The following RP1 variants were observed in gnomAD, a reference collection of about 807,000 sequenced individuals.
The protein encoded by RP1 is RP1 axonemal microtubule associated.
A neutral mutation model predicts 14.8 loss-of-function variants in RP1; 16 were observed. The ratio of observed to expected loss-of-function variants is 1.08; its 90% confidence interval spans 0.73 to 1.65. RP1 has a LOEUF of 1.65. Ranked by LOEUF, RP1 falls within the 40% of genes most tolerant of loss-of-function variation. RP1 has a pLI of 0.00. For missense variants in RP1, 2,631 were observed against 2,535.0 expected (o/e 1.04, Z -0.81); for synonymous variants, 876 against 883.6 (o/e 0.99, Z 0.15).
intron 24 of RP1, among the ~76,000 whole-genome samples, chr8:54,784,514 G>C (rs1053349798): frequency 4.6e-5 from 7 of 152,032 alleles, no homozygotes; most frequent in Non-Finnish European, 1.0e-4. Flanking sequence ...AAATAATGCT[G>C]CAATGAACAT....
intron 1 of RP1, among the ~76,000 whole-genome samples, chr8:54,602,187 T>A (rs551283292): frequency 6.6e-6 from 1 of 152,124 alleles, no homozygotes; most frequent in South Asian, 2.1e-4. Context: ...CCCTCCCCTC[T>A]TCCCCCACCC....
downstream of RP1, among the ~76,000 whole-genome samples, chr8:54,772,253 T>G (rs1408342767): frequency 6.6e-6 from 1 of 152,130 alleles, no homozygotes; most frequent in Non-Finnish European, 1.5e-5. Flanking sequence ...CAGTATCCAT[T>G]GCTGGATTGA....
intron 27 of RP1, among the ~76,000 whole-genome samples, chr8:54,859,741 C>T (rs974793279): frequency 2.6e-5 from 4 of 151,962 alleles, no homozygotes; most frequent in Admixed American, 2.0e-4. Flanking sequence ...GAGTGTGGTG[C>T]CTTTTAGATT....
At chr8:54,648,950 T>C in intron 3 of RP1, 1 of 1,421,798 alleles carries the variant, frequency 7.0e-7, no homozygotes, top group Non-Finnish European at 9.2e-7. Flanking sequence ...TTCTATCAGT[T>C]GCCATAATGC....
At chr8:54,734,861 T>C (rs898420234) in intron 18 of RP1, 1 of 783,996 alleles carries the variant, frequency 1.3e-6, no homozygotes, top group Non-Finnish European at 1.8e-6. Context: ...TCTGGTCTTT[T>C]AGAATGCCTG....
At chr8:54,685,488 T>A (rs963906616) in intron 12 of RP1, among the ~76,000 whole-genome samples, 1 of 152,154 alleles carries the variant, frequency 6.6e-6, no homozygotes, top group African/African-American at 2.4e-5. Flanking sequence ...TAATTTTGAG[T>A]TCTAATTTGA....
chr8:54,734,810 G>A (rs1023307041), intron 18 of RP1: 2 of 1,067,228 alleles, frequency 1.9e-6, no homozygotes, highest in East Asian at 2.9e-5. Flanking sequence ...ATGTAGAAGT[G>A]TGTGTGTGTG....
chr8:54,803,932 G>T (rs1022706318), intron 24 of RP1, among the ~76,000 whole-genome samples: 5 of 152,004 alleles, frequency 3.3e-5, no homozygotes, highest in Admixed American at 3.3e-4. Context: ...GCTGGGCCTG[G>T]TGGCACACAC....
At chr8:54,655,322 A>T (rs1414582165) in intron 5 of RP1, among the ~76,000 whole-genome samples, 2 of 152,228 alleles carry the variant, frequency 1.3e-5, no homozygotes, top group Non-Finnish European at 2.9e-5. Flanking sequence ...GAATAATAGT[A>T]CTCTATTCAG....
rs1585759528 is a variant in RP1, at chr8:54,865,867, A to G, written c.4102A>G (p.Lys1368Glu). The G allele has an allele frequency of 2.7e-5, 33 of 1,229,648 alleles. No homozygotes were observed. The East Asian group carries it at 1.0e-3, about 39-fold the overall frequency. The allele number at this position is 1,229,648 out of a possible 1,614,324, so 76.2% of individuals were successfully genotyped here. The change falls in exon 28 of 29, where the codon AAG (lysine) becomes GAG (glutamate). Residue 1368 changes from lysine to glutamate, a missense_variant. Coordinates refer to the RP1 transcript ENST00000637698. The stretch of plus-strand genomic sequence containing the variant: ...ATGGTTTCTTGGGAGTATTGTTGTT[A>G]AGTCTGAAGATGAAGACAGCAGTGA...
rs528588046 is a variant in RP1, at chr8:54,575,387, T to TA, written c.-13+16067_-13+16068insA. Among the ~76,000 whole-genome samples the TA allele has an allele frequency of 3.8e-3, 570 of 151,326 alleles. 2 individuals carry two copies. The highest frequency in any genetic ancestry group is 5.5e-3 in the Non-Finnish European group (375 of 67,778). On this transcript the variant is annotated intron_variant, in intron 1 of 22. Coordinates refer to the RP1 transcript ENST00000636932. ...TATTTCTTTCTTTAAGAAAAATTAT[T>TA]TTTTTTTTAATTTTTAGTTTTTGTG... is the stretch of plus-strand genomic sequence containing the variant.
intron 12 of RP1, among the ~76,000 whole-genome samples, chr8:54,691,946 C>T (rs1254390900): frequency 6.6e-6 from 1 of 151,972 alleles, no homozygotes; most frequent in African/African-American, 2.4e-5. Context: ...AGGTATATCT[C>T]CTAATGCTGT....
At chr8:54,737,224 C>A (rs79462308) in intron 18 of RP1, among the ~76,000 whole-genome samples, 3 of 152,150 alleles carry the variant, frequency 2.0e-5, no homozygotes, top group Non-Finnish European at 4.4e-5. Context: ...CTTAAAAGAG[C>A]CTTACCCTTC....
rs1806036312 is a variant in RP1 at position 54,626,068 on chromosome 8, A to C, written c.2186A>C (p.Glu729Ala). Residue 729 changes from glutamate (E) to alanine (A), a missense_variant, in exon 4 of 4, where the codon GAA becomes GCA. Transcript: ENST00000220676. The stretch of plus-strand genomic sequence containing the variant: ...CTTAAAGGAGGGATACTTTGTGAGG[A>C]AGACCTCCAGAAAAGTGATACTGTA... Reference protein sequence around the residue: ...SPLKGGILCEEDLQKSDTVIE... With the variant: ...SPLKGGILCEADLQKSDTVIE... 6.2e-7 allele frequency: 1 copy of C among 1,613,470 alleles called. No individual in the cohort carries two copies. The highest frequency in any genetic ancestry group is 1.1e-5 in the South Asian group (1 of 91,058).
intron 24 of RP1, among the ~76,000 whole-genome samples, chr8:54,786,461 G>A (rs1282992288): frequency 6.4e-5 from 9 of 141,580 alleles, no homozygotes; most frequent in Non-Finnish European, 1.4e-4. Flanking sequence ...CCTTACTGTT[G>A]GTTTTAATAG....
Position 54,628,531 on chromosome 8 carries a change from A to G in RP1, c.4649A>G (p.Lys1550Arg). The G allele has an allele frequency of 6.2e-7, 1 of 1,614,064 alleles. No individual in the cohort carries two copies. Among genetic ancestry groups the G allele is most frequent in the East Asian group, 2.2e-5 (1 of 44,868 alleles). The change falls in exon 4 of 4, where the codon AAG (lysine) becomes AGG (arginine). Residue 1550 changes from lysine (K) to arginine (R), a missense_variant. Physicochemically the swap from Lys to Arg is conservative, Grantham distance 26. Coordinates refer to ENST00000220676, the MANE Select transcript of RP1 (RefSeq NM_006269.2). ...TATGATTCTAAGCAAAATAGTGAAA[A>G]GGAGACCAATGAAGGAGAAACTAAG... The part of the protein sequence containing the change: ...FCYDSKQNSE[K>R]ETNEGETKMV...
intron 17 of RP1, among the ~76,000 whole-genome samples, chr8:54,730,789 G>T (rs1808776678): frequency 1.3e-5 from 2 of 151,948 alleles, no homozygotes; most frequent in Admixed American, 6.6e-5. Context: ...CCTGTGCTTT[G>T]TATCCCTTAA....
At chr8:54,777,006 A>G (rs1221313670) in intron 23 of RP1, among the ~76,000 whole-genome samples, 1 of 152,200 alleles carries the variant, frequency 6.6e-6, no homozygotes, top group East Asian at 1.9e-4. Context: ...TTAGCAGTGC[A>G]GTTTCTGAAT....
At chr8:54,859,437 G>T (rs962646979) in intron 27 of RP1, among the ~76,000 whole-genome samples, 25 of 151,602 alleles carry the variant, frequency 1.6e-4, no homozygotes, top group Non-Finnish European at 2.8e-4. Flanking sequence ...ACTGTACAGG[G>T]TTTCACTGTA....
Sources: allele counts gnomAD v4.1 joint callset (sites outside exome capture counted in the v4.1 genomes callset), GRCh38; gene constraint gnomAD v4.1.1; transcripts MANE v1.5; gene names NCBI Gene and HGNC (gene_info 2026-07-23, HGNC 2026-07-21).